FHOD3: variants seen among roughly 807,000 people sequenced by gnomAD.
FHOD3 encodes the protein FH1/FH2 domain-containing protein 3.
A neutral mutation model predicts 173.0 loss-of-function variants in FHOD3; 90 were observed. The observed-to-expected ratio is 0.52, with a 90% CI of 0.44 to 0.62. The LOEUF is 0.62. Among genes scored for constraint, FHOD3 ranks in the 20% least tolerant of loss-of-function variants. The probability of loss-of-function intolerance (pLI) is 0.00; values close to 1 mark genes in which losing one functional copy is unlikely to be tolerated. For synonymous variants in FHOD3, 828 were observed against 823.0 expected (o/e 1.01, Z -0.10); for missense variants, 1,945 against 2,034.7 (o/e 0.96, Z 0.85).
chr18:36,514,203 G>T (rs1446856815), intron 5 of FHOD3, among the ~76,000 whole-genome samples: 2 of 151,846 alleles, frequency 1.3e-5, no homozygotes, highest in South Asian at 2.1e-4. Flanking sequence ...TAGAGACGGG[G>T]TTTCACCTTG....
chr18:36,300,640 G>A (rs1327570120), intron 1 of FHOD3, among the ~76,000 whole-genome samples: 1 of 152,182 alleles, frequency 6.6e-6, no homozygotes, highest in Admixed American at 6.5e-5. Context: ...ATTCTCAGTG[G>A]TACAAAGAGG....
At chr18:36,337,426 A>G (rs149898694) in intron 1 of FHOD3, among the ~76,000 whole-genome samples, 1 of 152,260 alleles carries the variant, frequency 6.6e-6, no homozygotes, top group Non-Finnish European at 1.5e-5. Flanking sequence ...ACCTTTCTCA[A>G]ACACAAACTG....
At chr18:36,611,360 T>G (rs11081958) in intron 8 of FHOD3, among the ~76,000 whole-genome samples, 20,804 of 152,238 alleles carry the variant, frequency 0.14, 1,501 homozygotes, top group Non-Finnish European at 0.16. Context: ...TAGTAGGTCC[T>G]CTGCCCAGGG....
chr18:36,762,518 C>T (rs570824974), intron 27 of FHOD3, among the ~76,000 whole-genome samples: 17 of 152,256 alleles, frequency 1.1e-4, no homozygotes, highest in South Asian at 2.1e-4. Flanking sequence ...GGGCATCAGC[C>T]GGGCACGGTG....
chr18:36,509,162 A>G (rs1036708472), intron 4 of FHOD3, among the ~76,000 whole-genome samples: 2 of 152,140 alleles, frequency 1.3e-5, no homozygotes, highest in Admixed American at 6.5e-5. Flanking sequence ...CCAACAGAAA[A>G]GAAAAAAACT....
intron 1 of FHOD3, among the ~76,000 whole-genome samples, chr18:36,313,791 A>G (rs2092307331): frequency 6.6e-6 from 1 of 151,988 alleles, no homozygotes; most frequent in Non-Finnish European, 1.5e-5. Context: ...AAATACCTAG[A>G]TTCTTTATTC....
At chr18:36,493,825 A>G (rs1175979222) in intron 3 of FHOD3, among the ~76,000 whole-genome samples, 1 of 152,198 alleles carries the variant, frequency 6.6e-6, no homozygotes, top group Non-Finnish European at 1.5e-5. Context: ...CAGGGGAAAA[A>G]GGAAAGTTAT....
At chr18:36,511,840 G>A (rs1348524877) in intron 4 of FHOD3, among the ~76,000 whole-genome samples, 1 of 152,196 alleles carries the variant, frequency 6.6e-6, no homozygotes, top group South Asian at 2.1e-4. Context: ...CAGCCAAGGC[G>A]GTCCTTTCGA....
intron 3 of FHOD3, among the ~76,000 whole-genome samples, chr18:36,461,078 G>A (rs1460823809): frequency 6.6e-6 from 1 of 152,156 alleles, no homozygotes; most frequent in Non-Finnish European, 1.5e-5. Context: ...TCACGGCAGG[G>A]GATCCCTTGC....
At chr18:36,493,208 T>A (rs552747511) in intron 3 of FHOD3, among the ~76,000 whole-genome samples, 1,605 of 111,044 alleles carry the variant, frequency 0.014, 23 homozygotes, top group African/African-American at 0.051. Context: ...TTTTCTTTTC[T>A]TTTTCTTTTT....
intron 3 of FHOD3, among the ~76,000 whole-genome samples, chr18:36,419,771 G>A (rs1017956063): frequency 6.6e-6 from 1 of 152,146 alleles, no homozygotes; most frequent in Admixed American, 6.5e-5. Context: ...GTCTCATGTG[G>A]CCACATGTGG....
intron 7 of FHOD3, among the ~76,000 whole-genome samples, chr18:36,596,472 C>T (rs1005430096): frequency 3.9e-5 from 6 of 151,912 alleles, no homozygotes; most frequent in East Asian, 3.9e-4. Flanking sequence ...CGTGAGCCAG[C>T]GTGCCCAGCC....
chr18:36,508,646 C>CAA (rs56780791), intron 4 of FHOD3, among the ~76,000 whole-genome samples: 2,806 of 109,010 alleles, frequency 0.026, 91 homozygotes, highest in Admixed American at 0.11. Flanking sequence ...AATGGATTGA[C>CAA]AAAAAAAAAA....
At chr18:36,632,133 A>G (rs1256647704) in intron 10 of FHOD3, among the ~76,000 whole-genome samples, 1 of 152,208 alleles carries the variant, frequency 6.6e-6, no homozygotes, top group Admixed American at 6.5e-5. Flanking sequence ...CATTTTAAAT[A>G]TTGATATTGC....
chr18:36,611,216 A>C lies in FHOD3; in HGVS notation c.814-736A>C, dbSNP rs570392432. Among the ~76,000 whole-genome samples, 5 of 152,360 alleles carry C rather than the reference A, an allele frequency of 3.3e-5. No homozygotes were observed. The East Asian group carries it at 9.6e-4, about 29-fold the overall frequency. On this transcript the variant is annotated intron_variant, in intron 8 of 28. Transcript: ENST00000590592. ...CTCCAGTTGTTGGTGTATGGATCTTAACAGGAGTTTCTAATTACAAAGTAG... is the reference window on the plus strand; with the variant it reads ...CTCCAGTTGTTGGTGTATGGATCTTCACAGGAGTTTCTAATTACAAAGTAG...
At chr18:36,327,514 G>A (rs185989327) in intron 1 of FHOD3, among the ~76,000 whole-genome samples, 219 of 152,314 alleles carry the variant, frequency 1.4e-3, no homozygotes, top group African/African-American at 5.2e-3. Context: ...TCTGCAAGGT[G>A]GTTGGTAGTA....
At chr18:36,725,092 T>G (rs964688379) in intron 19 of FHOD3, among the ~76,000 whole-genome samples, 12 of 152,330 alleles carry the variant, frequency 7.9e-5, no homozygotes, top group African/African-American at 2.9e-4. Context: ...TTGTTCCTGT[T>G]TTCACATCCA....
At chr18:36,544,786 C>T (rs1020837738) in intron 5 of FHOD3, 4 of 152,262 alleles carry the variant, frequency 2.6e-5, no homozygotes, top group Non-Finnish European at 5.9e-5. Context: ...CTCTTAACAT[C>T]TTCCCAGGTG....
chr18:36,661,558 T>C (rs2036804553), intron 14 of FHOD3, among the ~76,000 whole-genome samples: 1 of 152,108 alleles, frequency 6.6e-6, no homozygotes, highest in African/African-American at 2.4e-5. Context: ...TTCCCTTGAT[T>C]TGGAAACAAG....
Sources: gnomAD v4.1 joint callset for allele counts (sites outside exome capture counted in the v4.1 genomes callset) on GRCh38, gnomAD v4.1.1 for gene constraint, MANE v1.5 for transcripts, NCBI Gene and HGNC (gene_info 2026-07-23, HGNC 2026-07-21) for gene names.